The following SGCD variants were observed in gnomAD, a reference collection of about 807,000 sequenced individuals.
SGCD encodes the protein delta-sarcoglycan.
Under a neutral mutation model 36.6 loss-of-function variants are expected in SGCD, and 18 were observed. The observed-to-expected ratio is 0.49, with a 90% CI of 0.34 to 0.73. The LOEUF (loss-of-function observed/expected upper bound fraction) is 0.73. Among genes scored for constraint, SGCD ranks in the 30% least tolerant of loss-of-function variants. The pLI, the probability that SGCD is intolerant of heterozygous loss-of-function variation, is 0.01. For missense variants in SGCD, 387 were observed against 346.7 expected (o/e 1.12, Z -0.92); for synonymous variants, 133 against 130.6 (o/e 1.02, Z -0.12).
chr5:156,213,226 G>C (rs117258032), intron 3 of SGCD, among the ~76,000 whole-genome samples: 172 of 151,976 alleles, frequency 1.1e-3, no homozygotes, highest in East Asian at 7.7e-3. Flanking sequence ...GTTTTTTGCA[G>C]TGATAAACAA....
chr5:155,920,397 A>C (rs1208733619), intron 1 of SGCD, among the ~76,000 whole-genome samples: 1 of 152,120 alleles, frequency 6.6e-6, no homozygotes, highest in East Asian at 1.9e-4. Context: ...GAAGAAAAGG[A>C]GGAGAAGGGA....
At chr5:156,338,073 G>A (rs1198672048) in intron 2 of SGCD, among the ~76,000 whole-genome samples, 1 of 152,186 alleles carries the variant, frequency 6.6e-6, no homozygotes, top group African/African-American at 2.4e-5. Context: ...TTATGGTAGA[G>A]TTGATCATGG....
chr5:156,762,488 G>T lies in SGCD; in HGVS notation c.*3098G>T, dbSNP rs552244966. The T allele has an allele frequency of 3.3e-5, 5 of 152,678 alleles. No individual in the cohort carries two copies. Among genetic ancestry groups the T allele is most frequent in the African/African-American group, 1.2e-4 (5 of 41,542 alleles). 9.5% of individuals were successfully genotyped at this position (152,678 alleles called of 1,614,324 possible). A position where few individuals can be genotyped will look rare whatever the true frequency, so the allele number is the denominator to read the frequency against. On this transcript the variant is annotated 3_prime_UTR_variant, in exon 9 of 9. Transcript: ENST00000337851. ...CTTTATAATTGTTATGTTACCCAAG[G>T]GATAAACTTGAACTGGCTTTGAACA...
chr5:156,056,242 G>A (rs1291880674), intron 1 of SGCD, among the ~76,000 whole-genome samples: 2 of 145,646 alleles, frequency 1.4e-5, no homozygotes, highest in Non-Finnish European at 3.1e-5. Flanking sequence ...ACTTTGGGAG[G>A]AACTTAGTTT....
intron 7 of SGCD, among the ~76,000 whole-genome samples, chr5:156,671,879 T>C (rs1308347428): frequency 1.3e-5 from 2 of 152,110 alleles, no homozygotes. Context: ...GGAGCCAGCA[T>C]GTCACATGGC....
chr5:155,834,834 CTTT>C, the SGCD span, among the ~76,000 whole-genome samples: 5 of 135,556 alleles, frequency 3.7e-5, no homozygotes, highest in African/African-American at 2.7e-5. Flanking sequence ...TGAATGTAAT[CTTT>C]TTTTTTTTTT....
intron 3 of SGCD, among the ~76,000 whole-genome samples, chr5:156,476,341 G>T (rs1755174226): frequency 6.6e-6 from 1 of 152,174 alleles, no homozygotes; most frequent in South Asian, 2.1e-4. Flanking sequence ...CCAGAAAGGA[G>T]CTGACTGTGC....
chr5:156,476,030 T>C (rs976876589), intron 3 of SGCD, among the ~76,000 whole-genome samples: 2 of 152,136 alleles, frequency 1.3e-5, no homozygotes, highest in Admixed American at 6.5e-5. Flanking sequence ...TGGCTGAGGG[T>C]AACAGTCAGC....
At chr5:156,330,999 T>C (rs1768044177) in intron 2 of SGCD, among the ~76,000 whole-genome samples, 1 of 152,214 alleles carries the variant, frequency 6.6e-6, no homozygotes, top group Non-Finnish European at 1.5e-5. Flanking sequence ...TAGCATTGTC[T>C]TTTGCACACA....
intron 4 of SGCD, among the ~76,000 whole-genome samples, chr5:156,530,265 G>A (rs1234960769): frequency 1.3e-5 from 2 of 151,618 alleles, no homozygotes; most frequent in African/African-American, 2.4e-5. Context: ...CTCAGTTAAA[G>A]CTCAGCAGTT....
chr5:156,210,776 A>C (rs1364906898), intron 3 of SGCD, among the ~76,000 whole-genome samples: 2 of 152,138 alleles, frequency 1.3e-5, no homozygotes, highest in African/African-American at 4.8e-5. Context: ...GGTCATTGAA[A>C]ATAATGAAAG....
intron 1 of SGCD, among the ~76,000 whole-genome samples, chr5:155,890,811 C>T (rs376718686): frequency 3.3e-5 from 5 of 152,206 alleles, no homozygotes; most frequent in East Asian, 3.9e-4. Context: ...CCCCCACCTA[C>T]GTTTTCCCGT....
intron 3 of SGCD, among the ~76,000 whole-genome samples, chr5:156,432,362 A>G (rs1425340459): frequency 1.3e-5 from 2 of 152,304 alleles, no homozygotes; most frequent in African/African-American, 4.8e-5. Context: ...TTTCTTTGTC[A>G]TGGGTTGCTG....
At chr5:155,794,869 G>C in the SGCD span, among the ~76,000 whole-genome samples, 1 of 152,032 alleles carries the variant, frequency 6.6e-6, no homozygotes, top group South Asian at 2.1e-4. Context: ...ATAAAACTTA[G>C]CACATCATAG....
At chr5:156,126,680 T>A (rs1202390131) in intron 3 of SGCD, among the ~76,000 whole-genome samples, 1 of 152,140 alleles carries the variant, frequency 6.6e-6, no homozygotes, top group Non-Finnish European at 1.5e-5. Context: ...TGGAACAGAT[T>A]TTTCAGATGT....
intron 3 of SGCD, among the ~76,000 whole-genome samples, chr5:156,460,505 G>T (rs1368758130): frequency 1.3e-5 from 2 of 152,160 alleles, no homozygotes; most frequent in Admixed American, 1.3e-4. Flanking sequence ...AAAGGTCCCA[G>T]TTAGGCATGC....
At chr5:156,352,488 C>T (rs147682700) in intron 3 of SGCD, among the ~76,000 whole-genome samples, 25 of 152,344 alleles carry the variant, frequency 1.6e-4, no homozygotes, top group African/African-American at 5.5e-4. Context: ...TTGCCTTTTG[C>T]AGACCACACA....
intron 4 of SGCD, among the ~76,000 whole-genome samples, chr5:156,579,065 C>T (rs891371827): frequency 6.6e-6 from 1 of 152,278 alleles, no homozygotes; most frequent in East Asian, 1.9e-4. Flanking sequence ...ATAAATTTCC[C>T]TCTACACATT....
intron 3 of SGCD, among the ~76,000 whole-genome samples, chr5:156,286,790 T>A (rs1391034538): frequency 3.3e-5 from 5 of 151,968 alleles, no homozygotes; most frequent in Admixed American, 2.0e-4. Flanking sequence ...AACCTGCACG[T>A]TGTGCACATG....
Sources: gnomAD v4.1 joint callset for allele counts (sites outside exome capture counted in the v4.1 genomes callset) on GRCh38, gnomAD v4.1.1 for gene constraint, MANE v1.5 for transcripts, NCBI Gene and HGNC (gene_info 2026-07-23, HGNC 2026-07-21) for gene names.